Variants in EEF1AKMT2 observed in about 807,000 individuals in gnomAD.
EEF1AKMT2 encodes eukaryotic translation elongation factor 1 alpha lysine methyltransferase 2.
In EEF1AKMT2, 32 loss-of-function variants were observed where a neutral mutation model predicts 35.8. That is an observed-to-expected ratio of 0.89 (90% CI 0.67 to 1.20). The LOEUF is 1.20. Among genes scored for constraint, EEF1AKMT2 ranks in the 50% most tolerant of loss-of-function variants. EEF1AKMT2 has a pLI of 0.00. For synonymous variants in EEF1AKMT2, 121 were observed against 133.7 expected (o/e 0.91, Z 0.65); for missense variants, 330 against 347.5 (o/e 0.95, Z 0.40).
At chr10:124,775,228 C>A (rs892932189) in intron 3 of EEF1AKMT2, among the ~76,000 whole-genome samples, 1 of 152,186 alleles carries the variant, frequency 6.6e-6, no homozygotes, top group African/African-American at 2.4e-5. Context: ...TTATGCAATT[C>A]TCCACCAGCC....
In EEF1AKMT2 at chr10:124,769,218, C is replaced by CACAAAAAAAAAAAAAAAAAAAAAAAAA. The variant is rs754443902; in HGVS notation, c.400-3611_400-3610insTTTTTTTTTTTTTTTTTTTTTTTTTGT. ...GGGCTACAGGGCAAGACACTGTCTC[C>CACAAAAAAAAAAAAAAAAAAAAAAAAA]AAAAAAAAAAAAAAAATATATATAT... On this transcript the variant is annotated intron_variant, in intron 4 of 6. Coordinates refer to ENST00000368836, the MANE Select transcript of EEF1AKMT2 (RefSeq NM_212554.4). Among the ~76,000 whole-genome samples, 267 of 31,292 alleles carry CACAAAAAAAAAAAAAAAAAAAAAAAAA rather than the reference C, an allele frequency of 8.5e-3. 122 individuals carry two copies. Among genetic ancestry groups the CACAAAAAAAAAAAAAAAAAAAAAAAAA allele is most frequent in the Admixed American group, 0.013 (21 of 1,626 alleles). 20.5% of individuals were successfully genotyped at this position (31,292 alleles called of 152,430 possible). A position where few individuals can be genotyped will look rare whatever the true frequency, so the allele number is the denominator to read the frequency against.
intron 3 of EEF1AKMT2, among the ~76,000 whole-genome samples, chr10:124,781,782 A>C (rs993776543): frequency 3.3e-5 from 5 of 151,922 alleles, no homozygotes; most frequent in Non-Finnish European, 7.4e-5. Flanking sequence ...GATCCAGAAT[A>C]CAAAGGTGAA....
Position 124,762,393 on chromosome 10 carries a change from T to C in EEF1AKMT2, c.782A>G (p.Gln261Arg). ...TGAGCCCAGGAGTTCCAGACCAGCC[T>C]GGACAACATGGCAAAACCTCGTCTC... ...LAETRFCHVV[Q>R]AGLELLGSSD... Residue 261 changes from glutamine (Q) to arginine (R), a missense_variant, in exon 6 of 7, where the codon CAG becomes CGG. Transcript: ENST00000368836. The C allele has an allele frequency of 2.3e-6, 3 of 1,293,896 alleles. No individual in the cohort carries two copies. The highest frequency in any genetic ancestry group is 2.0e-6 in the Non-Finnish European group (2 of 980,788). The allele number at this position is 1,293,896 out of a possible 1,614,324, so 80.2% of individuals were successfully genotyped here.
chr10:124,763,906 T>C (rs1950354172), intron 5 of EEF1AKMT2, among the ~76,000 whole-genome samples: 1 of 152,076 alleles, frequency 6.6e-6, no homozygotes, highest in Non-Finnish European at 1.5e-5. Flanking sequence ...TGGAAGATAA[T>C]AAAATAAATG....
intron 4 of EEF1AKMT2, among the ~76,000 whole-genome samples, chr10:124,771,821 A>G (rs1950439740): frequency 6.6e-6 from 1 of 152,154 alleles, no homozygotes; most frequent in Non-Finnish European, 1.5e-5. Flanking sequence ...GTGAGCTGAG[A>G]TCGAGTCACT....
intron 3 of EEF1AKMT2, among the ~76,000 whole-genome samples, chr10:124,780,383 T>A (rs1266560450): frequency 2.0e-5 from 3 of 152,136 alleles, no homozygotes; most frequent in East Asian, 3.9e-4. Context: ...TTCAGACAAA[T>A]GAACTACCTC....
At chr10:124,781,590 C>CA (rs1322054340) in intron 3 of EEF1AKMT2, among the ~76,000 whole-genome samples, 392 of 24,142 alleles carry the variant, frequency 0.016, 2 homozygotes, top group Non-Finnish European at 0.027. Flanking sequence ...GACTGTGTCT[C>CA]AAAAAAAAAA....
rs1471198447 is a variant in EEF1AKMT2 at position 124,758,494 on chromosome 10, G to T, written c.*2009C>A. The T allele has an allele frequency of 7.3e-6, 1 of 137,104 alleles. No individual in the cohort carries two copies. The highest frequency in any genetic ancestry group is 7.9e-5 in the Admixed American group (1 of 12,728). The allele number at this position is 137,104 out of a possible 1,614,324, so 8.5% of individuals were successfully genotyped here. ...CTTCCTTTTCCTAACCTTATCAAAAGCTCTATGGTTAAAAAAAAAAAAAAA... is the reference window on the plus strand; with the variant it reads ...CTTCCTTTTCCTAACCTTATCAAAATCTCTATGGTTAAAAAAAAAAAAAAA... On this transcript the variant is annotated 3_prime_UTR_variant, in exon 7 of 7. Transcript: ENST00000368836.
intron 4 of EEF1AKMT2, among the ~76,000 whole-genome samples, chr10:124,771,361 G>A (rs12768812): frequency 1.3e-4 from 19 of 151,720 alleles, no homozygotes; most frequent in Admixed American, 7.9e-4. Flanking sequence ...GGCCTCCCAA[G>A]ATGCTAGGAT....
chr10:124,761,669 T>G (rs568820081), intron 6 of EEF1AKMT2, among the ~76,000 whole-genome samples: 1 of 152,344 alleles, frequency 6.6e-6, no homozygotes, highest in Middle Eastern at 3.4e-3. Flanking sequence ...TCAAGTTACC[T>G]CTACCATGAT....
At chr10:124,778,867 T>C (rs1950511606) in intron 3 of EEF1AKMT2, among the ~76,000 whole-genome samples, 1 of 151,732 alleles carries the variant, frequency 6.6e-6, no homozygotes, top group East Asian at 1.9e-4. Flanking sequence ...AGCCAGAAGA[T>C]AGTAAAAGAA....
intron 3 of EEF1AKMT2, among the ~76,000 whole-genome samples, chr10:124,784,976 C>T (rs373520944): frequency 5.6e-4 from 83 of 147,620 alleles, no homozygotes; most frequent in African/African-American, 1.9e-3. Flanking sequence ...AGGCTGGGCG[C>T]GGTGGCTCAC....
At chr10:124,781,783 C>G (rs1167568435) in intron 3 of EEF1AKMT2, among the ~76,000 whole-genome samples, 1 of 148,978 alleles carries the variant, frequency 6.7e-6, no homozygotes, top group Non-Finnish European at 1.5e-5. Context: ...ATCCAGAATA[C>G]AAAGGTGAAA....
At chr10:124,761,160 G>A (rs1033835698) in intron 6 of EEF1AKMT2, among the ~76,000 whole-genome samples, 3 of 152,188 alleles carry the variant, frequency 2.0e-5, no homozygotes, top group East Asian at 3.9e-4. Flanking sequence ...GAGCAACATC[G>A]CCTGGCCCTG....
intron 4 of EEF1AKMT2, among the ~76,000 whole-genome samples, chr10:124,771,034 C>A (rs1480503275): frequency 3.3e-5 from 5 of 152,204 alleles, no homozygotes; most frequent in African/African-American, 7.2e-5. Flanking sequence ...GATATTCTGA[C>A]CTCCCATGAA....
intron 4 of EEF1AKMT2, among the ~76,000 whole-genome samples, chr10:124,767,511 CA>C (rs1193595891): frequency 0.01 from 620 of 60,132 alleles, 6 homozygotes; most frequent in African/African-American, 0.025. Context: ...GACACTGCCT[CA>C]AAAAAAAAAA....
intron 6 of EEF1AKMT2, among the ~76,000 whole-genome samples, chr10:124,761,131 G>C (rs1950328404): frequency 6.6e-6 from 1 of 152,228 alleles, no homozygotes; most frequent in African/African-American, 2.4e-5. Flanking sequence ...GCCTCCCAAA[G>C]TGCTAGGATT....
In EEF1AKMT2 at chr10:124,758,766, G is replaced by T. The variant is rs144400286; in HGVS notation, c.*1737C>A. 1 of 151,986 alleles carries T rather than the reference G, an allele frequency of 6.6e-6. No homozygotes were observed. The highest frequency in any genetic ancestry group is 1.9e-4 in the East Asian group (1 of 5,186). The allele number at this position is 151,986 out of a possible 1,614,324, so 9.4% of individuals were successfully genotyped here. A position where few individuals can be genotyped will look rare whatever the true frequency, so the allele number is the denominator to read the frequency against. On this transcript the variant is annotated 3_prime_UTR_variant, in exon 7 of 7. Transcript: ENST00000368836. Reference sequence around the variant, plus strand: ...TTAATGTGAAAAAAAACAAAGACCCGATCTCAAAAACTATAAAAGTTTCTA... The same window carrying T: ...TTAATGTGAAAAAAAACAAAGACCCTATCTCAAAAACTATAAAAGTTTCTA...
chr10:124,762,988 T>C (rs1399463365), intron 5 of EEF1AKMT2, among the ~76,000 whole-genome samples: 1 of 152,260 alleles, frequency 6.6e-6, no homozygotes, highest in Non-Finnish European at 1.5e-5. Context: ...AAAATATTAA[T>C]AGTGGTTGTA....
Sources: allele counts gnomAD v4.1 joint callset (sites outside exome capture counted in the v4.1 genomes callset), GRCh38; gene constraint gnomAD v4.1.1; transcripts MANE v1.5; gene names NCBI Gene and HGNC (gene_info 2026-07-23, HGNC 2026-07-21).